Variants in THSD7A observed in about 807,000 individuals in gnomAD.
THSD7A encodes the protein thrombospondin type 1 domain containing 7A.
THSD7A carries 96 observed loss-of-function variants against 231.3 expected under a neutral mutation model. The ratio of observed to expected loss-of-function variants is 0.41; its 90% confidence interval spans 0.35 to 0.49. The LOEUF (loss-of-function observed/expected upper bound fraction) is 0.49. THSD7A is among the 20% of genes least tolerant of loss of function. THSD7A has a pLI of 0.05. For synonymous variants in THSD7A, 940 were observed against 743.3 expected, an observed-to-expected ratio of 1.26 and a Z score of -4.30; for missense variants, 2,290 against 2,070.2, an observed-to-expected ratio of 1.11 and a Z score of -2.06.
chr7:11,425,731 T>TACACACACACACACACACAC (rs3086973), intron 15 of THSD7A, among the ~76,000 whole-genome samples: 60 of 145,800 alleles, frequency 4.1e-4, no homozygotes, highest in African/African-American at 1.4e-3. Context: ...TCCCTTATTT[T>TACACACACACACACACACAC]ACACACACAC....
At chr7:11,511,278 A>T (rs2128313440) in intron 6 of THSD7A, among the ~76,000 whole-genome samples, 1 of 152,318 alleles carries the variant, frequency 6.6e-6, no homozygotes, top group East Asian at 1.9e-4. Context: ...TCAACGAAAT[A>T]AAAGAGGACA....
intron 2 of THSD7A, among the ~76,000 whole-genome samples, chr7:11,599,374 A>G (rs1189319200): frequency 1.3e-5 from 2 of 152,208 alleles, no homozygotes; most frequent in Non-Finnish European, 2.9e-5. Context: ...GGTAGTCATC[A>G]ATACCAGCTA....
chr7:11,500,375 A>G (rs1358886594), intron 6 of THSD7A, among the ~76,000 whole-genome samples: 2 of 152,184 alleles, frequency 1.3e-5, no homozygotes, highest in Admixed American at 1.3e-4. Flanking sequence ...TTAAACACAC[A>G]GACCAGGGTT....
At chr7:11,673,825 C>T (rs1291127828) in intron 1 of THSD7A, among the ~76,000 whole-genome samples, 1 of 152,074 alleles carries the variant, frequency 6.6e-6, no homozygotes, top group Non-Finnish European at 1.5e-5. Flanking sequence ...AAAGCCTAGC[C>T]AGTCAGGCCT....
chr7:11,790,255 A>G (rs989202431), intron 1 of THSD7A, among the ~76,000 whole-genome samples: 1 of 151,958 alleles, frequency 6.6e-6, no homozygotes, highest in Non-Finnish European at 1.5e-5. Context: ...TTCTCTACCA[A>G]TAAGGTAGAG....
At chr7:11,619,192 T>C (rs1020875556) in intron 2 of THSD7A, among the ~76,000 whole-genome samples, 4 of 152,040 alleles carry the variant, frequency 2.6e-5, no homozygotes, top group Non-Finnish European at 5.9e-5. Context: ...ACACTGGATT[T>C]TCAAAGCTTT....
rs1306150478 is a variant in THSD7A, at chr7:11,636,592, C to G, written c.560G>C (p.Cys187Ser). ...FEPKPLLEQA[C>S]LIPCQQDCIV... The stretch of plus-strand genomic sequence containing the variant: ...GCAATCTTGCTGGCAAGGAATGAGG[C>G]AAGCCTGCTCCAGGAGAGGCTTGGG... The change falls in exon 2 of 28, where the codon TGC becomes TCC. Residue 187 changes from cysteine to serine, a missense_variant. Cys to Ser is a moderately radical substitution (Grantham distance 112, BLOSUM62 -1). Coordinates refer to ENST00000423059, the MANE Select transcript of THSD7A (RefSeq NM_015204.3). This position sits in a 1 kb window ranked among gnomAD's most constrained non-coding sequence, Gnocchi z 10.0. 1 of 1,613,998 alleles carries G rather than the reference C, an allele frequency of 6.2e-7. No homozygotes were observed. The highest frequency in any genetic ancestry group is 1.7e-5 in the Admixed American group (1 of 60,018).
chr7:11,647,160 A>G (rs906056225), intron 1 of THSD7A, among the ~76,000 whole-genome samples: 1 of 152,014 alleles, frequency 6.6e-6, no homozygotes, highest in Non-Finnish European at 1.5e-5. Context: ...TTATTCTACC[A>G]TTCTACCATT....
intron 1 of THSD7A, among the ~76,000 whole-genome samples, chr7:11,800,370 G>A (rs1458123628): frequency 1.3e-5 from 2 of 152,090 alleles, no homozygotes; most frequent in Non-Finnish European, 2.9e-5. Context: ...CCAACATGGT[G>A]AAACCCTGTC....
Position 11,481,916 on chromosome 7 carries a change from G to A in THSD7A, c.1889C>T (p.Pro630Leu), listed in dbSNP as rs770553838. Residue 630 changes from proline to leucine, a missense_variant, in exon 7 of 28, where the codon CCA (proline) becomes CTA (leucine). Pro to Leu is a moderately conservative substitution (Grantham distance 98). Coordinates refer to ENST00000423059, the MANE Select transcript of THSD7A (RefSeq NM_015204.3). ...IFPIPVACDAPCPKDCVLSTW... is the reference protein window; with the variant it reads ...IFPIPVACDALCPKDCVLSTW... Reference sequence around the variant, plus strand: ...GCTGAGCACACAGTCTTTCGGGCATGGGGCATCACAGGCCACAGGGATGGG... The same window carrying A: ...GCTGAGCACACAGTCTTTCGGGCATAGGGCATCACAGGCCACAGGGATGGG... 1.2e-6 allele frequency: 2 copies of A among 1,613,608 alleles called. No individual in the cohort carries two copies. Among genetic ancestry groups the A allele is most frequent in the East Asian group, 4.5e-5 (2 of 44,824 alleles).
At position 11,603,409 on chromosome 7, in the gene THSD7A, C is replaced by A. The variant is rs1446774572; in HGVS notation, c.1023-9907G>T. Reference sequence around the variant, plus strand: ...GCTGGAGAGGATGTAGAGAAATAGGCACACTTTTACACTGTTGGTGGGACT... The same window carrying A: ...GCTGGAGAGGATGTAGAGAAATAGGAACACTTTTACACTGTTGGTGGGACT... On this transcript the variant is annotated intron_variant, in intron 2 of 27. Coordinates refer to ENST00000423059, the MANE Select transcript of THSD7A (RefSeq NM_015204.3). 3.6e-4 allele frequency among the ~76,000 whole-genome samples: 55 copies of A among 152,138 alleles called. No individual in the cohort carries two copies. The South Asian group carries it at 5.8e-3, about 16-fold the overall frequency.
At chr7:11,701,221 G>A (rs1780590478) in intron 1 of THSD7A, among the ~76,000 whole-genome samples, 2 of 150,842 alleles carry the variant, frequency 1.3e-5, no homozygotes, top group South Asian at 4.2e-4. Context: ...GCACACCAAG[G>A]CAGATCAGAC....
chr7:11,408,068 T>C (rs1176421267), intron 19 of THSD7A, among the ~76,000 whole-genome samples: 1 of 152,206 alleles, frequency 6.6e-6, no homozygotes, highest in Non-Finnish European at 1.5e-5. Flanking sequence ...TCAAACCTTC[T>C]CATCAGATAA....
At chr7:11,424,565 A>C in intron 16 of THSD7A, 131 bp downstream of exon 16, 1 of 1,270,950 alleles carries the variant, frequency 7.9e-7, no homozygotes, top group East Asian at 2.3e-5. Context: ...ATGAGCACAG[A>C]TTCCCTAAAA....
intron 6 of THSD7A, among the ~76,000 whole-genome samples, chr7:11,505,503 G>A (rs1486225640): frequency 6.6e-6 from 1 of 151,088 alleles, no homozygotes; most frequent in African/African-American, 2.4e-5. Context: ...AGAAGGCAAA[G>A]TAATTCTCAT....
At chr7:11,511,846 G>T (rs530626112) in intron 6 of THSD7A, among the ~76,000 whole-genome samples, 1 of 152,224 alleles carries the variant, frequency 6.6e-6, no homozygotes, top group East Asian at 1.9e-4. Context: ...AGAAAACCTA[G>T]GCAATACCAT....
chr7:11,777,967 G>A (rs1562548618), intron 1 of THSD7A, among the ~76,000 whole-genome samples: 2 of 145,386 alleles, frequency 1.4e-5, no homozygotes, highest in Non-Finnish European at 3.0e-5. Context: ...GGCTAAAACG[G>A]TGAAACCCCG....
At chr7:11,500,785 A>C (rs552888904) in intron 6 of THSD7A, among the ~76,000 whole-genome samples, 1 of 151,806 alleles carries the variant, frequency 6.6e-6, no homozygotes, top group African/African-American at 2.4e-5. Context: ...AAATACAACA[A>C]ATTAGCCAGG....
At chr7:11,693,539 T>C (rs1268813094) in intron 1 of THSD7A, among the ~76,000 whole-genome samples, 1 of 151,570 alleles carries the variant, frequency 6.6e-6, no homozygotes, top group East Asian at 2.0e-4. Context: ...TGTTGAGGTA[T>C]CCAGTCAGAA....
Sources: allele counts gnomAD v4.1 joint callset (sites outside exome capture counted in the v4.1 genomes callset), GRCh38; gene constraint gnomAD v4.1.1; non-coding constraint Gnocchi (gnomAD v3.1); transcripts MANE v1.5; gene names NCBI Gene and HGNC (gene_info 2026-07-23, HGNC 2026-07-21).